NAT1: variants seen among roughly 807,000 people sequenced by gnomAD.
NAT1 encodes arylamine N-acetyltransferase 1.
For synonymous variants in NAT1, 144 were observed against 122.6 expected (o/e 1.17, Z -1.16); for missense variants, 400 against 339.2 (o/e 1.18, Z -1.41).
intron 2 of NAT1, among the ~76,000 whole-genome samples, chr8:18,173,421 C>T (rs1802172826): frequency 6.6e-6 from 1 of 152,074 alleles, no homozygotes; most frequent in Admixed American, 6.6e-5. Context: ...TAAAAAACCT[C>T]CAACATATCA....
upstream of NAT1, among the ~76,000 whole-genome samples, chr8:18,205,349 C>T (rs528886813): frequency 6.6e-6 from 1 of 152,210 alleles, no homozygotes; most frequent in Admixed American, 6.5e-5. Flanking sequence ...GTGGTATTGG[C>T]TTGGGGGTAG....
At chr8:18,179,328 G>C (rs534500612) in intron 2 of NAT1, among the ~76,000 whole-genome samples, 2 of 152,274 alleles carry the variant, frequency 1.3e-5, no homozygotes, top group East Asian at 3.9e-4. Flanking sequence ...AGGGAAGAGA[G>C]AGAATGAAAT....
intron 2 of NAT1, among the ~76,000 whole-genome samples, chr8:18,198,240 GC>G (rs1212456319): frequency 2.6e-5 from 4 of 152,130 alleles, no homozygotes; most frequent in Admixed American, 2.6e-4. Context: ...CATGTGAGGT[GC>G]CCTCTACTGA....
At chr8:18,175,570 A>C (rs749839097) in intron 2 of NAT1, among the ~76,000 whole-genome samples, 5 of 152,124 alleles carry the variant, frequency 3.3e-5, no homozygotes, top group Non-Finnish European at 5.9e-5. Context: ...GCTATATAGT[A>C]TTCCATTGTG....
chr8:18,186,885 T>C (rs1201133838), intron 2 of NAT1, among the ~76,000 whole-genome samples: 2 of 152,154 alleles, frequency 1.3e-5, no homozygotes, highest in Admixed American at 6.6e-5. Flanking sequence ...AGAAAATATT[T>C]GCAAGGAGAG....
In NAT1 at chr8:18,181,390, G is replaced by A. The variant is rs1202882034; in HGVS notation, n.92+10651G>A. 2.6e-5 allele frequency among the ~76,000 whole-genome samples: 4 copies of A among 152,230 alleles called. No homozygotes were observed. The East Asian group carries it at 7.7e-4, about 29-fold the overall frequency. ...TCTTCACAGAAATAGAAAAAAAATA[G>A]AGATGCTATGGATTTTTAAATGTTG... On this transcript the variant is annotated intron_variant and non_coding_transcript_variant, in intron 2 of 4. Coordinates refer to the NAT1 transcript ENST00000517441.
intron 1 of NAT1, among the ~76,000 whole-genome samples, chr8:18,215,621 AT>A (rs375529391): frequency 0.014 from 2,057 of 147,350 alleles, 23 homozygotes; most frequent in Middle Eastern, 0.082. Flanking sequence ...TACCTGTACA[AT>A]TTTTTTTTTC....
intron 2 of NAT1, among the ~76,000 whole-genome samples, chr8:18,200,660 C>T (rs1803421504): frequency 6.6e-6 from 1 of 152,042 alleles, no homozygotes; most frequent in Non-Finnish European, 1.5e-5. Context: ...ATCTAACAAA[C>T]CTGAACATAC....
At chr8:18,182,513 G>T (rs1589057449) in intron 2 of NAT1, among the ~76,000 whole-genome samples, 1 of 152,268 alleles carries the variant, frequency 6.6e-6, no homozygotes, top group Non-Finnish European at 1.5e-5. Flanking sequence ...GCTATAGATT[G>T]CTTCGTTTTT....
At chr8:18,209,553 C>T (rs1169830693), upstream of NAT1, among the ~76,000 whole-genome samples, 1 of 152,122 alleles carries the variant, frequency 6.6e-6, no homozygotes, top group Non-Finnish European at 1.5e-5. Context: ...ATAAAAAACA[C>T]CAGCATAAAC....
chr8:18,188,144 T>G (rs1381080365), intron 2 of NAT1, among the ~76,000 whole-genome samples: 1 of 152,122 alleles, frequency 6.6e-6, no homozygotes, highest in Non-Finnish European at 1.5e-5. Context: ...ACACTAGAAA[T>G]AAAGGACGCT....
At chr8:18,219,611 A>G in intron 2 of NAT1, 122 bp downstream of exon 2, 1 of 572,364 alleles carries the variant, frequency 1.7e-6, no homozygotes, top group Non-Finnish European at 3.1e-6. Flanking sequence ...CAGAGATTCT[A>G]CAAGTGGATA....
intron 1 of NAT1, chr8:18,217,123 C>T (rs1804756945): frequency 3.1e-6 from 2 of 639,292 alleles, no homozygotes; most frequent in Non-Finnish European, 5.4e-6. Context: ...CTGGTTTTCC[C>T]TCTGGAGTCC....
At chr8:18,192,930 T>C (rs1281689550) in intron 2 of NAT1, among the ~76,000 whole-genome samples, 1 of 151,838 alleles carries the variant, frequency 6.6e-6, no homozygotes, top group Non-Finnish European at 1.5e-5. Context: ...GCATGGCACA[T>C]GTATACATAT....
chr8:18,187,451 T>C (rs1240881220), intron 2 of NAT1, among the ~76,000 whole-genome samples: 1 of 152,192 alleles, frequency 6.6e-6, no homozygotes, highest in African/African-American at 2.4e-5. Context: ...TTAACCTAAA[T>C]GCCCATCAAT....
intron 2 of NAT1, among the ~76,000 whole-genome samples, chr8:18,195,594 C>CT (rs909453939): frequency 7.9e-5 from 12 of 151,942 alleles, no homozygotes; most frequent in Admixed American, 6.6e-5. Flanking sequence ...GGCAGACTTA[C>CT]TTTTTTTTCT....
Position 18,222,208 on chromosome 8 carries a change from C to A in NAT1, c.161C>A (p.Ala54Asp). 1 of 1,614,080 alleles carries A rather than the reference C, an allele frequency of 6.2e-7. No individual in the cohort carries two copies. Among genetic ancestry groups the A allele is most frequent in the Non-Finnish European group, 8.5e-7 (1 of 1,179,988 alleles). ...GATGCCATGGACTTAGGCTTAGAGG[C>A]CATTTTTGATCAAGTTGTGAGAAGA... ...CGDAMDLGLE[A>D]IFDQVVRRNR... The change falls in exon 3 of 3, where the codon GCC becomes GAC. Residue 54 changes from alanine (A) to aspartate (D), a missense_variant. By Grantham distance (126) the Ala-to-Asp change is moderately radical. Transcript: ENST00000307719.
chr8:18,220,900 T>C (rs1320634468), intron 2 of NAT1, among the ~76,000 whole-genome samples: 1 of 152,208 alleles, frequency 6.6e-6, no homozygotes, highest in Admixed American at 6.5e-5. Flanking sequence ...TGTGTTCAAA[T>C]TGGTCCCACC....
At chr8:18,184,629 T>A (rs1325218733) in intron 2 of NAT1, among the ~76,000 whole-genome samples, 2 of 152,222 alleles carry the variant, frequency 1.3e-5, no homozygotes, top group African/African-American at 4.8e-5. Flanking sequence ...ATTATTTGAA[T>A]GTTTGTCCCT....
Sources: gnomAD v4.1 joint callset for allele counts (sites outside exome capture counted in the v4.1 genomes callset) on GRCh38, gnomAD v4.1.1 for gene constraint, MANE v1.5 for transcripts, NCBI Gene and HGNC (gene_info 2026-07-23, HGNC 2026-07-21) for gene names.